The following CROCC2 variants were observed in gnomAD, a reference collection of about 807,000 sequenced individuals.
The protein encoded by CROCC2 is ciliary rootlet coiled-coil, rootletin family member 2.
In CROCC2, 163 loss-of-function variants were observed where a neutral mutation model predicts 177.6. The observed-to-expected ratio is 0.92, with a 90% CI of 0.81 to 1.05. The LOEUF (loss-of-function observed/expected upper bound fraction) is 1.05. Among genes scored for constraint, CROCC2 ranks in the 50% least tolerant of loss-of-function variants. CROCC2 has a pLI of 0.00. For missense variants in CROCC2, 1,929 were observed against 1,797.8 expected, an observed-to-expected ratio of 1.07 and a Z score of -1.32; for synonymous variants, 904 against 787.3, an observed-to-expected ratio of 1.15 and a Z score of -2.48.
intron 20 of CROCC2, 178 bp from the exon 21 acceptor site, chr2:240,963,378 C>T (rs1170670993): frequency 1.5e-6 from 1 of 652,792 alleles, no homozygotes; most frequent in East Asian, 2.8e-5. Flanking sequence ...GTGGAAGCCG[C>T]CCTGCAGCCT....
At chr2:240,923,133 C>G (rs1332455175) in intron 4 of CROCC2, among the ~76,000 whole-genome samples, 1 of 152,084 alleles carries the variant, frequency 6.6e-6, no homozygotes, top group Non-Finnish European at 1.5e-5. Flanking sequence ...GCCAGCCTTC[C>G]ACGTGGCAGC....
At position 240,935,594 on chromosome 2, in the gene CROCC2, G is replaced by A. The variant is rs1459603590; in HGVS notation, c.2169+6G>A. 2.9e-6 allele frequency: 4 copies of A among 1,383,562 alleles called. No homozygotes were observed. The highest frequency in any genetic ancestry group is 5.4e-4 in the Middle Eastern group (2 of 3,686). 85.7% of individuals were successfully genotyped at this position (1,383,562 alleles called of 1,614,324 possible). On this transcript the variant is annotated splice_donor_region_variant and intron_variant, in intron 14 of 31. Coordinates refer to ENST00000690015, the MANE Select transcript of CROCC2 (RefSeq NM_001351305.2). ...TCCAGGAGCAGGTGGGCCAGGTGAGGACGTCTGCAGGGCATGCTGCCGCCG... is the reference window on the plus strand; with the variant it reads ...TCCAGGAGCAGGTGGGCCAGGTGAGAACGTCTGCAGGGCATGCTGCCGCCG...
In CROCC2 at chr2:240,983,046, G is replaced by A. The variant is rs995669341; in HGVS notation, c.4551+17G>A. 2 of 1,548,556 alleles carry A rather than the reference G, an allele frequency of 1.3e-6. No homozygotes were observed. Among genetic ancestry groups the A allele is most frequent in the African/African-American group, 1.4e-5 (1 of 73,024 alleles). ...CTGCGACAGGTGAGGGTGACCAGGA[G>A]GGCAGGGTACGCTGTCACCAGGAGG... On this transcript the variant is annotated intron_variant, in intron 28 of 31. Coordinates refer to ENST00000690015, the MANE Select transcript of CROCC2 (RefSeq NM_001351305.2).
At position 240,925,669 on chromosome 2, in the gene CROCC2, C is replaced by T. The variant is rs568188682; in HGVS notation, c.489-55C>T. On this transcript the variant is annotated intron_variant, in intron 4 of 31. Transcript: ENST00000690015. ...CCCCTTGACTTGGGGACTCTGAGCG[C>T]CTCTCTTAGGAGAGGCTTCCTACCC... is the stretch of plus-strand genomic sequence containing the variant. The T allele has an allele frequency of 1.2e-5, 8 of 650,882 alleles. No homozygotes were observed. The East Asian group carries it at 2.2e-4, about 18-fold the overall frequency. 40.3% of individuals were successfully genotyped at this position (650,882 alleles called of 1,614,324 possible). A position where few individuals can be genotyped will look rare whatever the true frequency, so the allele number is the denominator to read the frequency against.
At chr2:240,940,353 T>G (rs939180687) in intron 14 of CROCC2, among the ~76,000 whole-genome samples, 5 of 152,160 alleles carry the variant, frequency 3.3e-5, no homozygotes, top group Non-Finnish European at 7.4e-5. Flanking sequence ...AATACTCTTT[T>G]TTGATATCTA....
intron 15 of CROCC2, among the ~76,000 whole-genome samples, chr2:240,948,729 C>T (rs190171218): frequency 1.1e-4 from 17 of 152,314 alleles, no homozygotes; most frequent in African/African-American, 3.6e-4. Flanking sequence ...GGAATCACGC[C>T]GTATGTGGGG....
rs571419149 is a variant in CROCC2, at chr2:240,970,925, C to T, written c.4401+2663C>T. Reference sequence around the variant, plus strand: ...TCTCACAGTCATGGGGTAGGCTGGGCCACCCGAGGCCACGGGGAAGAGTCC... The same window carrying T: ...TCTCACAGTCATGGGGTAGGCTGGGTCACCCGAGGCCACGGGGAAGAGTCC... On this transcript the variant is annotated intron_variant, in intron 27 of 31. Coordinates refer to ENST00000690015, the MANE Select transcript of CROCC2 (RefSeq NM_001351305.2). Among the ~76,000 whole-genome samples the T allele has an allele frequency of 2.6e-5, 4 of 152,332 alleles. No homozygotes were observed. The South Asian group carries it at 8.3e-4, about 32-fold the overall frequency.
intron 6 of CROCC2, among the ~76,000 whole-genome samples, chr2:240,930,635 C>G (rs2059422860): frequency 6.6e-6 from 1 of 152,140 alleles, no homozygotes; most frequent in Non-Finnish European, 1.5e-5. Context: ...TGGTACCACC[C>G]TGCTAGCCCT....
chr2:240,913,360 G>A (rs10933522), intron 1 of CROCC2, among the ~76,000 whole-genome samples: 128,595 of 152,210 alleles, frequency 0.84, 55,115 homozygotes, highest in Admixed American at 0.92. Flanking sequence ...AAGCCTGCGT[G>A]GGCGCCAGGG....
intron 21 of CROCC2, chr2:240,964,049 G>A: frequency 1.7e-6 from 1 of 574,552 alleles, no homozygotes; most frequent in Non-Finnish European, 3.1e-6. Context: ...GTGGCCTCCA[G>A]GAGGTGGTGC....
At chr2:240,935,227 G>A (rs1182603451) in intron 13 of CROCC2, 131 bp from the exon 14 acceptor site, 7 of 1,197,660 alleles carry the variant, frequency 5.8e-6, no homozygotes, top group South Asian at 3.0e-5. Flanking sequence ...GCCTGAGGGA[G>A]GGAAGAGAGT....
At chr2:240,967,115 C>T (rs539003717) in intron 25 of CROCC2, among the ~76,000 whole-genome samples, 11 of 152,270 alleles carry the variant, frequency 7.2e-5, no homozygotes, top group Non-Finnish European at 4.4e-5. Context: ...TAGGCCGAGT[C>T]TCACTGGGCG....
rs941002446 is a variant in CROCC2 at position 240,933,781 on chromosome 2, C to A, written c.1575C>A (p.Leu525=). The A allele has an allele frequency of 2.1e-5, 32 of 1,549,198 alleles. No individual in the cohort carries two copies. Among genetic ancestry groups the A allele is most frequent in the African/African-American group, 2.7e-5 (2 of 73,008 alleles). The change falls in exon 11 of 32, where the codon CTC becomes CTA. Residue 525 remains leucine (L), a synonymous_variant. Transcript: ENST00000690015. ...EAEAAELQRS[L]LLQAERREEL... ...AGGCTGCAGAGCTGCAGAGAAGCCT[C>A]CTGCTGCAGGCAGAGCGGAGGGAGG...
In CROCC2 at chr2:240,940,430, G is replaced by A. The variant is rs144706343; in HGVS notation, c.2169+4842G>A. On this transcript the variant is annotated intron_variant, in intron 14 of 31. Coordinates refer to ENST00000690015, the MANE Select transcript of CROCC2 (RefSeq NM_001351305.2). ...CCATTTTCTTATGCTTAGTGTTTCC[G>A]TGGTATATCCTTTTCATATATTTAC... 5.1e-3 allele frequency among the ~76,000 whole-genome samples: 773 copies of A among 151,734 alleles called. 3 individuals carry two copies. The highest frequency in any genetic ancestry group is 6.8e-3 in the Non-Finnish European group (465 of 67,936).
chr2:240,930,355 G>A, intron 6 of CROCC2, 86 bp downstream of exon 6: 1 of 454,426 alleles, frequency 2.2e-6, no homozygotes, highest in Non-Finnish European at 4.0e-6. Context: ...CGGTGCCCAG[G>A]GCGGGCTCTC....
intron 1 of CROCC2, among the ~76,000 whole-genome samples, chr2:240,913,241 A>C (rs2059299495): frequency 6.7e-6 from 1 of 149,372 alleles, no homozygotes; most frequent in East Asian, 2.0e-4. Flanking sequence ...CCCTGCACAG[A>C]CCCCTGGAGA....
At position 240,949,063 on chromosome 2, in the gene CROCC2, C is replaced by T; in HGVS notation, c.2448C>T (p.Ala816=). Residue 816 remains alanine, a synonymous_variant, in exon 16 of 32, where the codon GCC becomes GCT. Coordinates refer to ENST00000690015, the MANE Select transcript of CROCC2 (RefSeq NM_001351305.2). This position sits in a 1 kb window ranked among gnomAD's most constrained non-coding sequence, Gnocchi z 4.5. Reference sequence around the variant, plus strand: ...TGCAGGAGCAGCTGGAGGAGGAAGCCCGGAGCGCAGGACTCGCGCGGCAGG... The same window carrying T: ...TGCAGGAGCAGCTGGAGGAGGAAGCTCGGAGCGCAGGACTCGCGCGGCAGG... The part of the protein sequence containing the change: ...TKLQEQLEEE[A]RSAGLARQAL... The T allele has an allele frequency of 6.5e-7, 1 of 1,548,582 alleles. No homozygotes were observed. Among genetic ancestry groups the T allele is most frequent in the Non-Finnish European group, 8.7e-7 (1 of 1,146,546 alleles).
chr2:240,949,191 C>A lies in CROCC2; in HGVS notation c.2482+94C>A. On this transcript the variant is annotated intron_variant, in intron 16 of 31. Transcript: ENST00000690015. This position sits in a 1 kb window ranked among gnomAD's most constrained non-coding sequence, Gnocchi z 4.5. ...TCAGTGCCCACACGTGCTGCACCCCCTCTCCGGAGCCCACAGGGGCATGAA... is the reference window on the plus strand; with the variant it reads ...TCAGTGCCCACACGTGCTGCACCCCATCTCCGGAGCCCACAGGGGCATGAA... The A allele has an allele frequency of 1.4e-6, 2 of 1,446,686 alleles. No homozygotes were observed. The highest frequency in any genetic ancestry group is 9.1e-7 in the Non-Finnish European group (1 of 1,104,704). 89.6% of individuals were successfully genotyped at this position (1,446,686 alleles called of 1,614,324 possible).
At chr2:240,956,834 A>G (rs1324041161) in intron 19 of CROCC2, among the ~76,000 whole-genome samples, 2 of 152,188 alleles carry the variant, frequency 1.3e-5, no homozygotes, top group African/African-American at 2.4e-5. Flanking sequence ...CAGGTCCCGC[A>G]TGGGAGATGA....
Sources: gnomAD v4.1 joint callset for allele counts (sites outside exome capture counted in the v4.1 genomes callset) on GRCh38, gnomAD v4.1.1 for gene constraint, Gnocchi (gnomAD v3.1) non-coding constraint, MANE v1.5 for transcripts, NCBI Gene and HGNC (gene_info 2026-07-23, HGNC 2026-07-21) for gene names.